The following ATP1A1 variants were observed in gnomAD, a reference collection of about 807,000 sequenced individuals.
ATP1A1 encodes the protein ATPase Na+/K+ transporting subunit alpha 1, also known as sodium/potassium-transporting ATPase subunit alpha-1.
In ATP1A1, 14 loss-of-function variants were observed where a neutral mutation model predicts 114.8. That is an observed-to-expected ratio of 0.12 (90% CI 0.08 to 0.19). ATP1A1 has a LOEUF of 0.19. Among genes scored for constraint, ATP1A1 ranks in the 10% least tolerant of loss-of-function variants. The probability of loss-of-function intolerance (pLI) is 1.00; values close to 1 mark genes in which losing one functional copy is unlikely to be tolerated. For synonymous variants in ATP1A1, 471 were observed against 466.3 expected, an observed-to-expected ratio of 1.01 and a Z score of -0.13; for missense variants, 524 against 1,290.7, an observed-to-expected ratio of 0.41 and a Z score of 9.10.
At position 116,399,954 on chromosome 1, in the gene ATP1A1, T is replaced by C. The variant is rs1038063863; in HGVS notation, c.2572+411T>C. On this transcript the variant is annotated intron_variant, in intron 18 of 22. Transcript: ENST00000295598. This position sits in a 1 kb window ranked among gnomAD's most constrained non-coding sequence, Gnocchi z 5.0. ...GGAGTTAGGCATTGGAGAAAGTATA[T>C]GTGTTTGAGAGTTTGGCTGGTAGGT... is the stretch of plus-strand genomic sequence containing the variant. Among the ~76,000 whole-genome samples, 1 of 152,362 alleles carries C rather than the reference T, an allele frequency of 6.6e-6. No homozygotes were observed. The highest frequency in any genetic ancestry group is 1.5e-5 in the Non-Finnish European group (1 of 68,042).
rs748686358 is a variant in ATP1A1, at chr1:116,399,673, G to A, written c.2572+130G>A. 12 of 1,283,950 alleles carry A rather than the reference G, an allele frequency of 9.3e-6. No individual in the cohort carries two copies. The East Asian group carries it at 1.2e-4, about 13-fold the overall frequency. 79.5% of individuals were successfully genotyped at this position (1,283,950 alleles called of 1,614,324 possible). On this transcript the variant is annotated intron_variant, in intron 18 of 22. Transcript: ENST00000295598. This position sits in a 1 kb window ranked among gnomAD's most constrained non-coding sequence, Gnocchi z 5.0. ...TTTCAGGTCTAGGATGAGCCCTAACGGAGTGAGCCTGTGGAGTTTCTCTGA... is the reference window on the plus strand; with the variant it reads ...TTTCAGGTCTAGGATGAGCCCTAACAGAGTGAGCCTGTGGAGTTTCTCTGA...
chr1:116,404,308 C>A lies in ATP1A1; in HGVS notation c.3044-108C>A. On this transcript the variant is annotated intron_variant, in intron 22 of 22. Transcript: ENST00000295598. The surrounding 1 kb of genome is among the most constrained non-coding windows in gnomAD (Gnocchi z 4.8). Reference sequence around the variant, plus strand: ...GTCCCATGTTTGGATTTTAACACACCCGACCCCCATCATCCTCCGGTTGGT... The same window carrying A: ...GTCCCATGTTTGGATTTTAACACACACGACCCCCATCATCCTCCGGTTGGT... 1 of 1,386,592 alleles carries A rather than the reference C, an allele frequency of 7.2e-7. No individual in the cohort carries two copies. The highest frequency in any genetic ancestry group is 1.0e-6 in the Non-Finnish European group (1 of 986,456). The allele number at this position is 1,386,592 out of a possible 1,614,324, so 85.9% of individuals were successfully genotyped here.
In ATP1A1 at chr1:116,389,352, T is replaced by G; in HGVS notation, c.755-87T>G. On this transcript the variant is annotated intron_variant, in intron 7 of 22. Transcript: ENST00000295598. The surrounding 1 kb of genome is among the most constrained non-coding windows in gnomAD (Gnocchi z 6.9). The stretch of plus-strand genomic sequence containing the variant: ...CTTTTATCAACTCTTTTTGTTTTTT[T>G]AGTCATCCTATGTAATTGTGTAAAA... 1 of 1,525,472 alleles carries G rather than the reference T, an allele frequency of 6.6e-7. No individual in the cohort carries two copies. The highest frequency in any genetic ancestry group is 8.9e-7 in the Non-Finnish European group (1 of 1,129,930). 94.5% of individuals were successfully genotyped at this position (1,525,472 alleles called of 1,614,324 possible). A position where few individuals can be genotyped will look rare whatever the true frequency, so the allele number is the denominator to read the frequency against.
At chr1:116,375,694 T>C (rs1477456346) in intron 1 of ATP1A1, among the ~76,000 whole-genome samples, 1 of 152,224 alleles carries the variant, frequency 6.6e-6, no homozygotes, top group Non-Finnish European at 1.5e-5. Context: ...TGTGACTTAT[T>C]GTGAGCGTCC....
rs1651731943 is a variant in ATP1A1 at position 116,381,388 on chromosome 1, A to G, written c.13-2626A>G. Among the ~76,000 whole-genome samples, 1 of 152,232 alleles carries G rather than the reference A, an allele frequency of 6.6e-6. No individual in the cohort carries two copies. The highest frequency in any genetic ancestry group is 1.5e-5 in the Non-Finnish European group (1 of 68,048). Reference sequence around the variant, plus strand: ...GATTTAAGGATATTTGGTTCCCACAAGAATAAGCTAATATTAAGTTATTAT... The same window carrying G: ...GATTTAAGGATATTTGGTTCCCACAGGAATAAGCTAATATTAAGTTATTAT... On this transcript the variant is annotated intron_variant, in intron 1 of 22. Coordinates refer to ENST00000295598, the MANE Select transcript of ATP1A1 (RefSeq NM_000701.8). This position sits in a 1 kb window ranked among gnomAD's most constrained non-coding sequence, Gnocchi z 5.1.
In ATP1A1 at chr1:116,397,362, C is replaced by T. The variant is rs539408714; in HGVS notation, c.1974-526C>T. On this transcript the variant is annotated intron_variant, in intron 14 of 22. Transcript: ENST00000295598. The surrounding 1 kb of genome is among the most constrained non-coding windows in gnomAD (Gnocchi z 4.2). ...TTTGATGGAGTCTCGCTCTGTCATC[C>T]CGGTTGGAGTGCAGTGTCATGATCT... 6.6e-6 allele frequency among the ~76,000 whole-genome samples: 1 copy of T among 152,200 alleles called. No individual in the cohort carries two copies. The highest frequency in any genetic ancestry group is 6.5e-5 in the Admixed American group (1 of 15,280).
intron 1 of ATP1A1, among the ~76,000 whole-genome samples, chr1:116,379,951 A>G (rs1037366267): frequency 3.3e-5 from 5 of 152,162 alleles, no homozygotes; most frequent in East Asian, 1.9e-4. Flanking sequence ...TGTTTCTACA[A>G]TCTTCTTGGC....
rs187775711 is a variant in ATP1A1 at position 116,401,429 on chromosome 1, T to C, written c.2850-125T>C. 290 of 1,445,452 alleles carry C rather than the reference T, an allele frequency of 2.0e-4. No individual in the cohort carries two copies. The East Asian group carries it at 4.5e-3, about 23-fold the overall frequency. 89.5% of individuals were successfully genotyped at this position (1,445,452 alleles called of 1,614,324 possible). ...AATGTAGCTTTCTAGTTTTTTCATC[T>C]GACCTCCAAGTTTTCAAGTACAGCT... On this transcript the variant is annotated intron_variant, in intron 20 of 22. Transcript: ENST00000295598. The surrounding 1 kb of genome is among the most constrained non-coding windows in gnomAD (Gnocchi z 4.7).
chr1:116,377,247 T>C (rs1160899295), intron 1 of ATP1A1, among the ~76,000 whole-genome samples: 3 of 152,218 alleles, frequency 2.0e-5, no homozygotes, highest in Non-Finnish European at 4.4e-5. Flanking sequence ...AAGTAATCTA[T>C]GTTCTGTTTA....
At chr1:116,396,823 A>AT (rs1652969313) in intron 14 of ATP1A1, 89 bp downstream of exon 14, 1 of 1,425,928 alleles carries the variant, frequency 7.0e-7, no homozygotes, top group Non-Finnish European at 9.3e-7. Context: ...AATGGTTTGC[A>AT]TCTAGGCTTG....
At position 116,387,352 on chromosome 1, in the gene ATP1A1, C is replaced by T. The variant is rs1346636921; in HGVS notation, c.248C>T (p.Pro83Leu). The T allele has an allele frequency of 6.2e-7, 1 of 1,614,216 alleles. No homozygotes were observed. The highest frequency in any genetic ancestry group is 1.3e-5 in the African/African-American group (1 of 75,044). Reference sequence around the variant, plus strand: ...GATGGTCCCAACGCCCTCACTCCCCCTCCCACTACTCCTGAATGGATCAAG... The same window carrying T: ...GATGGTCCCAACGCCCTCACTCCCCTTCCCACTACTCCTGAATGGATCAAG... ...ARDGPNALTP[P>L]PTTPEWIKFC... is the part of the protein sequence containing the mutation. The change falls in exon 4 of 23, where the codon CCT becomes CTT. Residue 83 changes from proline to leucine, a missense_variant. Around this residue, in one of 8 missense-constraint regions of ATP1A1, gnomAD observed 141 missense variants for 316.6 expected, o/e 0.45. Coordinates refer to ENST00000295598, the MANE Select transcript of ATP1A1 (RefSeq NM_000701.8). This position sits in a 1 kb window ranked among gnomAD's most constrained non-coding sequence, Gnocchi z 6.7.
chr1:116,398,876 G>A lies in ATP1A1; in HGVS notation c.2294-54G>A. 6.2e-7 allele frequency: 1 copy of A among 1,611,702 alleles called. No individual in the cohort carries two copies. The highest frequency in any genetic ancestry group is 8.5e-7 in the Non-Finnish European group (1 of 1,178,066). The stretch of plus-strand genomic sequence containing the variant: ...TCTGTATACTTCTTGGATATGTTCA[G>A]TTTCCAGTGTGCTTGTCTCATAAGC... On this transcript the variant is annotated intron_variant, in intron 16 of 22. Transcript: ENST00000295598. The surrounding 1 kb of genome is among the most constrained non-coding windows in gnomAD (Gnocchi z 6.1).
chr1:116,381,534 G>A lies in ATP1A1; in HGVS notation c.13-2480G>A, dbSNP rs1390318708. Among the ~76,000 whole-genome samples the A allele has an allele frequency of 1.6e-4, 24 of 152,222 alleles. 1 individual carries two copies. ...TTTTACTTGTTAATACTTGCCATGT[G>A]TCTCACCCACAAATAGCCTCATTTA... On this transcript the variant is annotated intron_variant, in intron 1 of 22. Transcript: ENST00000295598. The surrounding 1 kb of genome is among the most constrained non-coding windows in gnomAD (Gnocchi z 5.1).
In ATP1A1 at chr1:116,384,847, G is replaced by A. The variant is rs1467214004; in HGVS notation, c.183+5G>A. 1 of 1,613,478 alleles carries A rather than the reference G, an allele frequency of 6.2e-7. No individual in the cohort carries two copies. Among genetic ancestry groups the A allele is most frequent in the Non-Finnish European group, 8.5e-7 (1 of 1,179,628 alleles). ...TATGGAACAGACTTGAGCCGGGTAT[G>A]TTCTAGTTTGAAAGCTGTTGTACAA... On this transcript the variant is annotated splice_donor_5th_base_variant and intron_variant, in intron 3 of 22. Coordinates refer to ENST00000295598, the MANE Select transcript of ATP1A1 (RefSeq NM_000701.8). This position sits in a 1 kb window ranked among gnomAD's most constrained non-coding sequence, Gnocchi z 5.1.
Position 116,393,875 on chromosome 1 carries a change from C to A in ATP1A1, c.1660+152C>A. On this transcript the variant is annotated intron_variant, in intron 12 of 22. Transcript: ENST00000295598. This position sits in a 1 kb window ranked among gnomAD's most constrained non-coding sequence, Gnocchi z 5.0. The stretch of plus-strand genomic sequence containing the variant: ...GGCAATCCTCCTATTTGTTTATTTG[C>A]CCCCTATTATTTTGAAAACAATAAG... 1 of 796,506 alleles carries A rather than the reference C, an allele frequency of 1.3e-6. No homozygotes were observed. Among genetic ancestry groups the A allele is most frequent in the Non-Finnish European group, 1.9e-6 (1 of 521,814 alleles). The allele number at this position is 796,506 out of a possible 1,614,324, so 49.3% of individuals were successfully genotyped here.
In ATP1A1 at chr1:116,388,049, T is replaced by C; in HGVS notation, c.388-82T>C. On this transcript the variant is annotated intron_variant, in intron 4 of 22. Coordinates refer to ENST00000295598, the MANE Select transcript of ATP1A1 (RefSeq NM_000701.8). This position sits in a 1 kb window ranked among gnomAD's most constrained non-coding sequence, Gnocchi z 5.6. ...CTTGGTTTCTCTATTAAAAATCTGT[T>C]TTTTATTCAGTCAAAAAATTAATTG... is the stretch of plus-strand genomic sequence containing the variant. 1 of 919,880 alleles carries C rather than the reference T, an allele frequency of 1.1e-6. No individual in the cohort carries two copies. The allele number at this position is 919,880 out of a possible 1,614,324, so 57.0% of individuals were successfully genotyped here. A position where few individuals can be genotyped will look rare whatever the true frequency, so the allele number is the denominator to read the frequency against.
At position 116,398,029 on chromosome 1, in the gene ATP1A1, C is replaced by T. The variant is rs149660732; in HGVS notation, c.2115C>T (p.Cys705=). 14 of 1,613,670 alleles carry T rather than the reference C, an allele frequency of 8.7e-6. No individual in the cohort carries two copies. Among genetic ancestry groups the T allele is most frequent in the African/African-American group, 1.3e-5 (1 of 74,868 alleles). ...PQQKLIIVEG[C]QRQGAIVAVT... is the part of the protein sequence containing the mutation. ...AGAAGCTCATCATTGTGGAAGGCTGCCAAAGACAGGTCAGCCAGCACAAGG... is the reference window on the plus strand; with the variant it reads ...AGAAGCTCATCATTGTGGAAGGCTGTCAAAGACAGGTCAGCCAGCACAAGG... Residue 705 remains cysteine (C), a synonymous_variant, in exon 15 of 23, where the codon TGC becomes TGT. Transcript: ENST00000295598. This position sits in a 1 kb window ranked among gnomAD's most constrained non-coding sequence, Gnocchi z 6.1.
intron 1 of ATP1A1, chr1:116,374,222 G>A: frequency 1.3e-6 from 2 of 1,551,520 alleles, no homozygotes; most frequent in East Asian, 2.4e-5. Flanking sequence ...TGTCTTCACT[G>A]CCCTAAGATG....
At chr1:116,383,316 G>T in intron 1 of ATP1A1, 1 of 1,072,034 alleles carries the variant, frequency 9.3e-7, no homozygotes, top group Non-Finnish European at 1.1e-6. Flanking sequence ...TTTTTAATAT[G>T]GGAAGCTGGT....
Sources: allele counts gnomAD v4.1 joint callset (sites outside exome capture counted in the v4.1 genomes callset), GRCh38; gene constraint gnomAD v4.1.1; regional missense constraint gnomAD v4.1.1; non-coding constraint Gnocchi (gnomAD v3.1); transcripts MANE v1.5; gene names NCBI Gene and HGNC (gene_info 2026-07-23, HGNC 2026-07-21).